The following GRAMD1C variants were observed in gnomAD, a reference collection of about 807,000 sequenced individuals.
GRAMD1C encodes the protein GRAM domain containing 1C.
In GRAMD1C, 89 loss-of-function variants were observed where a neutral mutation model predicts 97.8. The ratio of observed to expected loss-of-function variants is 0.91; its 90% CI spans 0.77 to 1.09. The LOEUF (loss-of-function observed/expected upper bound fraction) is 1.09, where lower values mean the gene tolerates loss of function less well. Ranked by LOEUF, GRAMD1C falls within the 50% of genes least tolerant of loss-of-function variation. The probability of loss-of-function intolerance (pLI) is 0.00; values close to 1 mark genes in which losing one functional copy is unlikely to be tolerated. For missense variants in GRAMD1C, 740 were observed against 766.4 expected, an observed-to-expected ratio of 0.97 and a Z score of 0.41; for synonymous variants, 256 against 267.0, an observed-to-expected ratio of 0.96 and a Z score of 0.40.
chr3:113,939,162 TA>T (rs1937645528), intron 15 of GRAMD1C: 1 of 152,272 alleles, frequency 6.6e-6, no homozygotes, highest in African/African-American at 2.4e-5. Flanking sequence ...TAAAAGTGAA[TA>T]AGGGCAAGTT....
At chr3:113,876,011 A>G (rs1007547442) in intron 4 of GRAMD1C, 154 bp from the exon 5 acceptor site, 8 of 545,792 alleles carry the variant, frequency 1.5e-5, no homozygotes, top group Non-Finnish European at 2.6e-5. Context: ...CTCAGAGAAT[A>G]CAAGCGTGTA....
At chr3:113,855,228 T>A (rs1167714148) in intron 2 of GRAMD1C, among the ~76,000 whole-genome samples, 2 of 152,090 alleles carry the variant, frequency 1.3e-5, no homozygotes, top group African/African-American at 4.8e-5. Context: ...GGAGGATTGC[T>A]TGAAACCAGT....
intron 6 of GRAMD1C, 97 bp from the exon 7 acceptor site, chr3:113,900,934 A>G: frequency 1.5e-6 from 1 of 682,112 alleles, no homozygotes; most frequent in South Asian, 1.7e-5. Flanking sequence ...GTCTTTGCAC[A>G]ACAGGTCATT....
chr3:113,874,804 A>G (rs1291674161), intron 3 of GRAMD1C, among the ~76,000 whole-genome samples: 2 of 152,210 alleles, frequency 1.3e-5, no homozygotes, highest in Admixed American at 6.5e-5. Flanking sequence ...GTCTCTTACT[A>G]TGGTCACCTT....
At position 113,863,314 on chromosome 3, in the gene GRAMD1C, G is replaced by A. The variant is rs114873091; in HGVS notation, c.175-6193G>A. Among the ~76,000 whole-genome samples, 432 of 152,242 alleles carry A rather than the reference G, an allele frequency of 2.8e-3. 5 individuals carry two copies. The highest frequency in any genetic ancestry group is 9.8e-3 in the African/African-American group (405 of 41,530). Reference sequence around the variant, plus strand: ...GATGAACCTTGAATACCTACATAATGCTGAGTGATAGGCTACAGACACAAA... The same window carrying A: ...GATGAACCTTGAATACCTACATAATACTGAGTGATAGGCTACAGACACAAA... On this transcript the variant is annotated intron_variant, in intron 2 of 17. Coordinates refer to ENST00000358160, the MANE Select transcript of GRAMD1C (RefSeq NM_017577.5).
intron 6 of GRAMD1C, among the ~76,000 whole-genome samples, chr3:113,896,888 GAAAT>G (rs370672888): frequency 1.7e-3 from 257 of 152,234 alleles, no homozygotes; most frequent in African/African-American, 5.9e-3. Context: ...TTTCTTCTGA[GAAAT>G]AAATAGGAAT....
At chr3:113,852,896 T>C (rs2107337335) in intron 2 of GRAMD1C, among the ~76,000 whole-genome samples, 1 of 152,102 alleles carries the variant, frequency 6.6e-6, no homozygotes, top group Non-Finnish European at 1.5e-5. Context: ...TGGGGGTAGT[T>C]TCTCCTGAGA....
intron 6 of GRAMD1C, chr3:113,885,922 C>A: frequency 6.2e-7 from 1 of 1,612,800 alleles, no homozygotes; most frequent in Non-Finnish European, 8.5e-7. Flanking sequence ...TTCAGTGACC[C>A]CAGCGACACA....
rs751182613 is a variant in GRAMD1C, at chr3:113,838,948, G to T, written c.27+12G>T. On this transcript the variant is annotated intron_variant, in intron 1 of 17. Coordinates refer to ENST00000358160, the MANE Select transcript of GRAMD1C (RefSeq NM_017577.5). The stretch of plus-strand genomic sequence containing the variant: ...CGACTGTCCGTCAGGTAAGCCGCGG[G>T]CCTCGCTGGGGCAGGTTCCCATCTG... The T allele has an allele frequency of 1.6e-6, 2 of 1,219,240 alleles. No homozygotes were observed. Among genetic ancestry groups the T allele is most frequent in the East Asian group, 3.1e-5 (1 of 32,276 alleles). 75.5% of individuals were successfully genotyped at this position (1,219,240 alleles called of 1,614,324 possible).
intron 6 of GRAMD1C, chr3:113,890,690 G>T (rs1398552426): frequency 5.8e-6 from 4 of 684,536 alleles, no homozygotes; most frequent in Non-Finnish European, 1.1e-5. Flanking sequence ...CAGCGACATC[G>T]CAGACTATGC....
At chr3:113,941,448 TA>T (rs1171588815) in intron 17 of GRAMD1C, among the ~76,000 whole-genome samples, 1 of 152,170 alleles carries the variant, frequency 6.6e-6, no homozygotes, top group Non-Finnish European at 1.5e-5. Context: ...ATGGGTTATG[TA>T]ATATTCTTAC....
At chr3:113,944,941 T>C (rs1937996715) in intron 17 of GRAMD1C, among the ~76,000 whole-genome samples, 1 of 152,202 alleles carries the variant, frequency 6.6e-6, no homozygotes, top group South Asian at 2.1e-4. Flanking sequence ...GTAAGGATAA[T>C]GCTTTGGGAG....
At chr3:113,926,724 G>A (rs1577213729) in intron 10 of GRAMD1C, among the ~76,000 whole-genome samples, 1 of 152,154 alleles carries the variant, frequency 6.6e-6, no homozygotes, top group Non-Finnish European at 1.5e-5. Context: ...GTGGAATAAG[G>A]TGGGTTCAGT....
At chr3:113,864,169 A>G (rs376184030) in intron 2 of GRAMD1C, among the ~76,000 whole-genome samples, 6 of 152,088 alleles carry the variant, frequency 3.9e-5, no homozygotes, top group South Asian at 2.1e-4. Context: ...CTGGAGTGCA[A>G]TGGGATGATC....
At chr3:113,882,922 A>G in intron 6 of GRAMD1C, 90 bp downstream of exon 6, 1 of 599,894 alleles carries the variant, frequency 1.7e-6, no homozygotes, top group Non-Finnish European at 3.0e-6. Context: ...TTTCTTAACT[A>G]AATTTGACTA....
At chr3:113,885,414 A>G (rs1935435591) in intron 6 of GRAMD1C, 1 of 1,575,938 alleles carries the variant, frequency 6.3e-7, no homozygotes, top group Non-Finnish European at 8.7e-7. Context: ...TTCAGTACCA[A>G]ACTGTTCGAT....
At chr3:113,896,071 A>G (rs1183227326) in intron 6 of GRAMD1C, among the ~76,000 whole-genome samples, 1 of 152,132 alleles carries the variant, frequency 6.6e-6, no homozygotes, top group South Asian at 2.1e-4. Flanking sequence ...AAGGCTCTTC[A>G]TGACCTGGCT....
upstream of GRAMD1C, among the ~76,000 whole-genome samples, chr3:113,837,787 A>G (rs917245249): frequency 5.3e-5 from 8 of 152,240 alleles, no homozygotes; most frequent in African/African-American, 1.4e-4. Flanking sequence ...ACACGCCAGT[A>G]GTCCCAGCTA....
At chr3:113,833,861 A>G (rs953096772), upstream of GRAMD1C, among the ~76,000 whole-genome samples, 6 of 152,284 alleles carry the variant, frequency 3.9e-5, no homozygotes, top group African/African-American at 1.4e-4. Flanking sequence ...GTGGAAGTAC[A>G]GACTTTTGAA....
Sources: allele counts gnomAD v4.1 joint callset (sites outside exome capture counted in the v4.1 genomes callset), GRCh38; gene constraint gnomAD v4.1.1; transcripts MANE v1.5; gene names NCBI Gene and HGNC (gene_info 2026-07-23, HGNC 2026-07-21).